Variants in CA5A observed in about 807,000 individuals in gnomAD.
The protein encoded by CA5A is carbonic anhydrase 5A, mitochondrial.
Under a neutral mutation model 37.1 loss-of-function variants are expected in CA5A, and 28 were observed. The observed-to-expected ratio is 0.75, with a 90% CI of 0.56 to 1.03. The LOEUF is 1.03. Ranked by LOEUF, CA5A falls within the 50% of genes least tolerant of loss-of-function variation. The pLI is 0.00. For synonymous variants in CA5A, 171 were observed against 158.4 expected, an observed-to-expected ratio of 1.08 and a Z score of -0.60; for missense variants, 444 against 399.9, an observed-to-expected ratio of 1.11 and a Z score of -0.94.
At chr16:87,919,644 C>T (rs970720637) in intron 2 of CA5A, among the ~76,000 whole-genome samples, 16 of 152,176 alleles carry the variant, frequency 1.1e-4, no homozygotes, top group African/African-American at 3.4e-4. Flanking sequence ...TCTTTAGGAT[C>T]GGAGCCGGCA....
rs143845042 is a variant in CA5A, at chr16:87,910,843, G to C, written c.341-5939C>G. On this transcript the variant is annotated intron_variant, in intron 2 of 6. Coordinates refer to ENST00000649794, the MANE Select transcript of CA5A (RefSeq NM_001739.2). The stretch of plus-strand genomic sequence containing the variant: ...TGGCTCACTGCAACCTCCACCTCCT[G>C]AGCTCAAGCGATTCTCTCACCTGTG... Among the ~76,000 whole-genome samples the C allele has an allele frequency of 4.6e-3, 696 of 152,182 alleles. 3 individuals carry two copies. The highest frequency in any genetic ancestry group is 0.012 in the South Asian group (59 of 4,808).
At chr16:87,919,396 C>T (rs1052487395) in intron 2 of CA5A, among the ~76,000 whole-genome samples, 9 of 152,362 alleles carry the variant, frequency 5.9e-5, no homozygotes, top group African/African-American at 1.9e-4. Flanking sequence ...GCAGCCAAAG[C>T]CGGGCCCCTG....
rs764777135 is a variant in CA5A, at chr16:87,936,385, A to T, written c.66T>A (p.Pro22=). ...CTGGCCTCATCGAACGACTCCAGAGAGGGGCCCACATCTGCTCAACCAAGA... is the reference window on the plus strand; with the variant it reads ...CTGGCCTCATCGAACGACTCCAGAGTGGGGCCCACATCTGCTCAACCAAGA... ...FSFLVEQMWA[P]LWSRSMRPGR... Residue 22 remains proline, a synonymous_variant, in exon 1 of 7, where the codon CCT becomes CCA. Coordinates refer to ENST00000649794, the MANE Select transcript of CA5A (RefSeq NM_001739.2). The T allele has an allele frequency of 6.2e-7, 1 of 1,613,902 alleles. No individual in the cohort carries two copies.
intron 2 of CA5A, among the ~76,000 whole-genome samples, chr16:87,909,907 C>T (rs1050543627): frequency 6.6e-6 from 1 of 152,266 alleles, no homozygotes. Flanking sequence ...GAAGCTGGGG[C>T]CACCACTCCC....
chr16:87,893,146 CT>C (rs1555519772), intron 5 of CA5A: 1,302 of 384,910 alleles, frequency 3.4e-3, no homozygotes, highest in East Asian at 5.0e-3. Flanking sequence ...TTCTTTCTTT[CT>C]TTTTTTTTTC....
At chr16:87,909,119 C>A (rs959581411) in intron 2 of CA5A, among the ~76,000 whole-genome samples, 2 of 152,058 alleles carry the variant, frequency 1.3e-5, no homozygotes, top group Non-Finnish European at 2.9e-5. Context: ...ACGTGAGCCA[C>A]TGTGCCCAGC....
intron 3 of CA5A, among the ~76,000 whole-genome samples, chr16:87,904,380 CAAACA>C (rs772244743): frequency 2.6e-5 from 4 of 151,574 alleles, no homozygotes; most frequent in Non-Finnish European, 1.5e-5. Context: ...AACAAACAAA[CAAACA>C]AAAGAAGATG....
In CA5A at chr16:87,929,882, A is replaced by AAAAAAAT. The variant is rs1555524432; in HGVS notation, c.143-2938_143-2937insATTTTTT. On this transcript the variant is annotated intron_variant, in intron 1 of 6. Transcript: ENST00000649794. ...GCGAGACTCCGTCTCAAAAAAAAAA[A>AAAAAAAT]AAAAAAAAAAAAAATAAGTAAACCA... Among the ~76,000 whole-genome samples the AAAAAAAT allele has an allele frequency of 3.0e-4, 46 of 151,532 alleles. 1 individual carries two copies. Among genetic ancestry groups the AAAAAAAT allele is most frequent in the African/African-American group, 1.0e-3 (42 of 41,394 alleles).
intron 4 of CA5A, chr16:87,882,611 T>C (rs2055617143): frequency 6.6e-6 from 1 of 152,202 alleles, no homozygotes; most frequent in Non-Finnish European, 1.5e-5. Flanking sequence ...GGGCGTGGGC[T>C]GGGCCCAACA....
At chr16:87,924,382 T>C in intron 2 of CA5A, 1 of 895,760 alleles carries the variant, frequency 1.1e-6, no homozygotes, top group Non-Finnish European at 1.3e-6. Context: ...CCGTGGTGTT[T>C]GCGATGCACT....
chr16:87,926,997 T>C (rs2056322886), intron 1 of CA5A, 52 bp from the exon 2 acceptor site: 1 of 1,260,416 alleles, frequency 7.9e-7, no homozygotes, highest in South Asian at 1.3e-5. Flanking sequence ...TCATCCTGTG[T>C]CTTGGACGGA....
At chr16:87,907,882 C>T (rs764952476) in intron 2 of CA5A, among the ~76,000 whole-genome samples, 5 of 152,186 alleles carry the variant, frequency 3.3e-5, no homozygotes, top group East Asian at 1.9e-4. Context: ...GCCGAGATAG[C>T]GCCACTGCAC....
intron 5 of CA5A, chr16:87,893,537 C>T: frequency 1.7e-6 from 1 of 577,044 alleles, no homozygotes; most frequent in South Asian, 1.4e-5. Context: ...TGCAGCCGTC[C>T]AGGGACTGGC....
At chr16:87,925,848 C>T (rs894635296) in intron 2 of CA5A, among the ~76,000 whole-genome samples, 3 of 152,138 alleles carry the variant, frequency 2.0e-5, no homozygotes, top group Admixed American at 6.5e-5. Context: ...TGCATCTCCC[C>T]GGACTGCCTC....
chr16:87,929,643 T>C (rs13335132), intron 1 of CA5A, among the ~76,000 whole-genome samples: 16,845 of 151,396 alleles, frequency 0.11, 2,942 homozygotes, highest in African/African-American at 0.37. Flanking sequence ...GAGGCCGAGG[T>C]GGGCGGATCA....
chr16:87,911,470 T>C lies in CA5A; in HGVS notation c.341-6566A>G, dbSNP rs572476993. Among the ~76,000 whole-genome samples the C allele has an allele frequency of 4.2e-4, 64 of 152,324 alleles. 1 individual carries two copies. In the South Asian group the frequency reaches 8.7e-3, roughly 21 times the overall value. On this transcript the variant is annotated intron_variant, in intron 2 of 6. Coordinates refer to ENST00000649794, the MANE Select transcript of CA5A (RefSeq NM_001739.2). The surrounding 1 kb of genome is among the most constrained non-coding windows in gnomAD (Gnocchi z 4.6). ...CAGGCTTTTGGCAGGCACGGGTTGTTTGAAGGCTTAAAATTAGTACACGAG... is the reference window on the plus strand; with the variant it reads ...CAGGCTTTTGGCAGGCACGGGTTGTCTGAAGGCTTAAAATTAGTACACGAG...
chr16:87,895,910 C>T (rs1482563909), intron 5 of CA5A, among the ~76,000 whole-genome samples: 1 of 152,188 alleles, frequency 6.6e-6, no homozygotes, highest in African/African-American at 2.4e-5. Context: ...ATTGCACGCT[C>T]TAGCTGGGCT....
In CA5A at chr16:87,888,127, C is replaced by T; in HGVS notation, c.*2G>A. On this transcript the variant is annotated 3_prime_UTR_variant, in exon 7 of 7. Coordinates refer to ENST00000649794, the MANE Select transcript of CA5A (RefSeq NM_001739.2). ...TCTGCTATTCATGTGGACCTAATGT[C>T]TCTAGGACCTTGTGCCCTCATTAGT... 1 of 1,610,368 alleles carries T rather than the reference C, an allele frequency of 6.2e-7. No homozygotes were observed. Among genetic ancestry groups the T allele is most frequent in the Middle Eastern group, 1.7e-4 (1 of 6,044 alleles).
At chr16:87,894,138 A>T (rs1217182792) in intron 5 of CA5A, among the ~76,000 whole-genome samples, 1 of 151,080 alleles carries the variant, frequency 6.6e-6, no homozygotes, top group Non-Finnish European at 1.5e-5. Flanking sequence ...TATTTTTTTT[A>T]TTTTTTTTGA....
Sources: gnomAD v4.1 joint callset for allele counts (sites outside exome capture counted in the v4.1 genomes callset) on GRCh38, gnomAD v4.1.1 for gene constraint, Gnocchi (gnomAD v3.1) non-coding constraint, MANE v1.5 for transcripts, NCBI Gene and HGNC (gene_info 2026-07-23, HGNC 2026-07-21) for gene names.